ACER2: variants seen among roughly 807,000 people sequenced by gnomAD.
The protein encoded by ACER2 is alkCDase 2.
In ACER2, 26 loss-of-function variants were observed where a neutral mutation model predicts 34.7. The observed-to-expected ratio is 0.75, with a 90% CI of 0.55 to 1.04. The LOEUF (loss-of-function observed/expected upper bound fraction) is 1.04, where lower values mean the gene tolerates loss of function less well. Ranked by LOEUF, ACER2 falls within the 50% of genes least tolerant of loss-of-function variation. The probability of loss-of-function intolerance (pLI) is 0.00; values close to 1 mark genes in which losing one functional copy is unlikely to be tolerated. For missense variants in ACER2, 352 were observed against 340.8 expected (o/e 1.03, Z -0.26); for synonymous variants, 138 against 132.1 (o/e 1.04, Z -0.31).
chr9:19,451,573 C>T lies in ACER2; in HGVS notation c.*937C>T, dbSNP rs1831569202. The stretch of plus-strand genomic sequence containing the variant: ...TGAAGATGAGCACAATTTTTAAATA[C>T]TGAGCACAATTTTTAAATACTGACA... On this transcript the variant is annotated 3_prime_UTR_variant, in exon 6 of 6. Transcript: ENST00000340967. The T allele has an allele frequency of 6.6e-6, 1 of 152,620 alleles. No individual in the cohort carries two copies. The highest frequency in any genetic ancestry group is 1.5e-5 in the Non-Finnish European group (1 of 68,046). The allele number at this position is 152,620 out of a possible 1,614,324, so 9.5% of individuals were successfully genotyped here. A position where few individuals can be genotyped will look rare whatever the true frequency, so the allele number is the denominator to read the frequency against.
intron 5 of ACER2, among the ~76,000 whole-genome samples, chr9:19,449,879 G>A (rs756481637): frequency 9.6e-5 from 13 of 136,094 alleles, no homozygotes; most frequent in Non-Finnish European, 2.0e-4. Flanking sequence ...ATGACAGGGT[G>A]AGACTTCATT....
chr9:19,434,096 G>A (rs1830862131), intron 3 of ACER2, among the ~76,000 whole-genome samples: 1 of 151,540 alleles, frequency 6.6e-6, no homozygotes, highest in East Asian at 2.0e-4. Context: ...TCCCAGACGG[G>A]GTGGCGGCCG....
chr9:19,446,233 G>C (rs764886027), intron 4 of ACER2, 48 bp from the exon 5 acceptor site: 2 of 1,614,000 alleles, frequency 1.2e-6, no homozygotes, highest in Non-Finnish European at 1.7e-6. Context: ...CCAGCAAGGA[G>C]GTGGAGACAA....
intron 3 of ACER2, among the ~76,000 whole-genome samples, chr9:19,432,994 C>T (rs933165332): frequency 4.0e-5 from 6 of 151,848 alleles, no homozygotes; most frequent in South Asian, 2.1e-4. Flanking sequence ...ACGGAAAAAT[C>T]GCACGAAGAA....
At chr9:19,446,709 A>G (rs1831377693) in intron 5 of ACER2, 1 of 866,498 alleles carries the variant, frequency 1.2e-6, no homozygotes, top group Non-Finnish European at 1.4e-6. Flanking sequence ...TGAGAACTGA[A>G]CCTGTAACCT....
chr9:19,434,847 G>C, intron 3 of ACER2, 100 bp from the exon 4 acceptor site: 1 of 1,473,366 alleles, frequency 6.8e-7, no homozygotes, highest in Non-Finnish European at 9.3e-7. Flanking sequence ...TTTCTTTTCA[G>C]CTTGTATTTC....
At chr9:19,434,150 G>C (rs1306168165) in intron 3 of ACER2, among the ~76,000 whole-genome samples, 2 of 148,508 alleles carry the variant, frequency 1.3e-5, no homozygotes, top group African/African-American at 5.0e-5. Context: ...GCGGGGCAGA[G>C]GCGCTCCCCA....
At chr9:19,428,001 TTTTCCTTTTTCCTTTCCTTTCC>T (rs1563880029) in intron 3 of ACER2, among the ~76,000 whole-genome samples, 2 of 85,268 alleles carry the variant, frequency 2.3e-5, no homozygotes, top group African/African-American at 1.1e-4. Context: ...TTCCTTTCCT[TTTTCCTTTTTCCTTTCCTTTCC>T]TTTCCTTTCC....
intron 1 of ACER2, among the ~76,000 whole-genome samples, chr9:19,410,436 G>A (rs1212492393): frequency 2.6e-5 from 4 of 152,150 alleles, no homozygotes; most frequent in South Asian, 4.1e-4. Context: ...AAGGCTGGGC[G>A]TTGTGGCTCA....
At chr9:19,431,996 T>G (rs963478736) in intron 3 of ACER2, among the ~76,000 whole-genome samples, 1 of 152,146 alleles carries the variant, frequency 6.6e-6, no homozygotes, top group African/African-American at 2.4e-5. Flanking sequence ...TAAATTGAAG[T>G]CATGAATGAG....
intron 2 of ACER2, 73 bp downstream of exon 2, chr9:19,424,049 C>T (rs1479446355): frequency 3.3e-6 from 4 of 1,229,320 alleles, no homozygotes; most frequent in East Asian, 2.3e-5. Flanking sequence ...CCACACACTT[C>T]CTCTCCCCTT....
chr9:19,423,351 C>G (rs1830464627), intron 1 of ACER2, among the ~76,000 whole-genome samples: 1 of 152,168 alleles, frequency 6.6e-6, no homozygotes, highest in African/African-American at 2.4e-5. Flanking sequence ...CAGGGAGCCT[C>G]TTAAATGGTC....
intron 3 of ACER2, among the ~76,000 whole-genome samples, chr9:19,427,731 A>G (rs541164547): frequency 4.0e-5 from 6 of 149,610 alleles, no homozygotes; most frequent in Non-Finnish European, 8.8e-5. Flanking sequence ...CTGTGGCACA[A>G]TCTGGTCTCA....
rs78591266 is a variant in ACER2, at chr9:19,424,976, C to G, written c.365+135C>G. On this transcript the variant is annotated intron_variant, in intron 3 of 5. Coordinates refer to ENST00000340967, the MANE Select transcript of ACER2 (RefSeq NM_001010887.3). ...TTATCATATACTTGTTCAATATCTACTGATTGTTTTTATGATCTGACAATA... is the reference window on the plus strand; with the variant it reads ...TTATCATATACTTGTTCAATATCTAGTGATTGTTTTTATGATCTGACAATA... 6.0e-6 allele frequency: 7 copies of G among 1,162,620 alleles called. No homozygotes were observed. In the Admixed American group the frequency reaches 2.0e-4, roughly 33 times the overall value. 72.0% of individuals were successfully genotyped at this position (1,162,620 alleles called of 1,614,324 possible).
At chr9:19,421,925 C>T (rs988728797) in intron 1 of ACER2, among the ~76,000 whole-genome samples, 2 of 152,002 alleles carry the variant, frequency 1.3e-5, no homozygotes, top group Admixed American at 6.6e-5. Context: ...TGTGCCTAGC[C>T]CAAACTGAGG....
At chr9:19,432,707 TA>T (rs964862842) in intron 3 of ACER2, among the ~76,000 whole-genome samples, 1 of 148,028 alleles carries the variant, frequency 6.8e-6, no homozygotes, top group African/African-American at 2.4e-5. Flanking sequence ...TAGTTATATA[TA>T]AAATATATAA....
intron 5 of ACER2, among the ~76,000 whole-genome samples, chr9:19,449,751 G>A (rs1327333287): frequency 6.6e-6 from 1 of 151,918 alleles, no homozygotes; most frequent in Non-Finnish European, 1.5e-5. Flanking sequence ...AGCTAGGTGG[G>A]CCTGGTGGTG....
At chr9:19,422,014 T>A (rs1830421296) in intron 1 of ACER2, among the ~76,000 whole-genome samples, 1 of 151,958 alleles carries the variant, frequency 6.6e-6, no homozygotes, top group African/African-American at 2.4e-5. Flanking sequence ...CTGGACGCGG[T>A]GACTCATGCC....
rs1830589259 is a variant in ACER2, at chr9:19,426,934, C to CA, written c.365+2093_365+2094insA. 2.0e-5 allele frequency among the ~76,000 whole-genome samples: 3 copies of CA among 152,114 alleles called. No individual in the cohort carries two copies. The South Asian group carries it at 6.3e-4, about 32-fold the overall frequency. On this transcript the variant is annotated intron_variant, in intron 3 of 5. Coordinates refer to ENST00000340967, the MANE Select transcript of ACER2 (RefSeq NM_001010887.3). Reference sequence around the variant, plus strand: ...TATTGTGAGGCAGAGTTGTCTGTGACTATTGGGACTTTTTCATCACCAGCA... The same window carrying CA: ...TATTGTGAGGCAGAGTTGTCTGTGACATATTGGGACTTTTTCATCACCAGCA...
Sources: allele counts gnomAD v4.1 joint callset (sites outside exome capture counted in the v4.1 genomes callset), GRCh38; gene constraint gnomAD v4.1.1; transcripts MANE v1.5; gene names NCBI Gene and HGNC (gene_info 2026-07-23, HGNC 2026-07-21).